Variants in PTPRD observed in about 807,000 individuals in gnomAD.
PTPRD encodes the protein receptor-type tyrosine-protein phosphatase delta.
PTPRD carries 34 observed loss-of-function variants against 214.5 expected under a neutral mutation model. The ratio of observed to expected loss-of-function variants is 0.16; its 90% CI spans 0.12 to 0.21. The LOEUF (loss-of-function observed/expected upper bound fraction) is 0.21. PTPRD is among the 10% of genes least tolerant of loss of function. PTPRD has a pLI of 1.00. For missense variants in PTPRD, 2,545 were observed against 2,398.7 expected (o/e 1.06, Z -1.27); for synonymous variants, 1,128 against 845.7 (o/e 1.33, Z -5.79).
intron 39 of PTPRD, among the ~76,000 whole-genome samples, chr9:8,362,205 C>T (rs2078678664): frequency 6.6e-6 from 1 of 152,190 alleles, no homozygotes; most frequent in Admixed American, 6.5e-5. Flanking sequence ...ACAACAAAGG[C>T]ATACATACCT....
chr9:9,596,123 C>A (rs901984456), intron 7 of PTPRD, among the ~76,000 whole-genome samples: 2 of 151,606 alleles, frequency 1.3e-5, no homozygotes, highest in Non-Finnish European at 2.9e-5. Flanking sequence ...AAAGGAATAC[C>A]CATGGATACA....
chr9:8,719,417 T>C (rs1389544361), intron 12 of PTPRD, among the ~76,000 whole-genome samples: 2 of 152,234 alleles, frequency 1.3e-5, no homozygotes, highest in East Asian at 1.9e-4. Flanking sequence ...CAAAGCAAAG[T>C]GATAAAGGAG....
chr9:10,187,083 T>C (rs1350633417), intron 3 of PTPRD, among the ~76,000 whole-genome samples: 1 of 152,206 alleles, frequency 6.6e-6, no homozygotes, highest in East Asian at 1.9e-4. Context: ...TTTTATTCAA[T>C]TTATACAACT....
chr9:8,527,077 T>C (rs1564080707), intron 16 of PTPRD, among the ~76,000 whole-genome samples: 1 of 151,954 alleles, frequency 6.6e-6, no homozygotes, highest in East Asian at 1.9e-4. Flanking sequence ...CACTAAAGAC[T>C]AACTGGAAAC....
intron 6 of PTPRD, among the ~76,000 whole-genome samples, chr9:9,751,433 TG>T (rs2098518303): frequency 6.6e-6 from 1 of 152,056 alleles, no homozygotes; most frequent in Non-Finnish European, 1.5e-5. Context: ...GGAATAATAA[TG>T]AGAATAATGA....
At chr9:8,993,118 T>C (rs768891563) in intron 11 of PTPRD, among the ~76,000 whole-genome samples, 4 of 152,152 alleles carry the variant, frequency 2.6e-5, no homozygotes, top group Non-Finnish European at 1.5e-5. Flanking sequence ...TTATGTTTTA[T>C]GTCATATGTT....
At chr9:8,836,363 TG>T (rs1240907571) in intron 11 of PTPRD, among the ~76,000 whole-genome samples, 4 of 152,154 alleles carry the variant, frequency 2.6e-5, no homozygotes. Context: ...CCAGAGATAC[TG>T]GTTAATCACT....
At chr9:9,246,910 C>T (rs533770207) in intron 9 of PTPRD, among the ~76,000 whole-genome samples, 1 of 152,014 alleles carries the variant, frequency 6.6e-6, no homozygotes. Flanking sequence ...ATTTGAGCCA[C>T]AGTACATTGG....
intron 2 of PTPRD, among the ~76,000 whole-genome samples, chr9:10,555,119 AAC>A (rs141162080): frequency 0.017 from 2,623 of 152,302 alleles, 71 homozygotes; most frequent in African/African-American, 0.06. Flanking sequence ...AAAAACAAAC[AAC>A]ACACAAAAAA....
intron 5 of PTPRD, among the ~76,000 whole-genome samples, chr9:9,866,155 T>C (rs2063895837): frequency 1.3e-5 from 2 of 152,236 alleles, no homozygotes; most frequent in African/African-American, 4.8e-5. Flanking sequence ...TTTTCTAAAA[T>C]ATGTCTAAGT....
chr9:10,104,808 T>C (rs1458131590), intron 3 of PTPRD, among the ~76,000 whole-genome samples: 1 of 151,906 alleles, frequency 6.6e-6, no homozygotes, highest in Non-Finnish European at 1.5e-5. Flanking sequence ...AATCCAAGTA[T>C]TTAAGAAGCA....
chr9:10,152,085 A>G (rs780482102), intron 3 of PTPRD, among the ~76,000 whole-genome samples: 2 of 152,180 alleles, frequency 1.3e-5, no homozygotes, highest in Non-Finnish European at 2.9e-5. Flanking sequence ...TTGTAGTAAG[A>G]TTCTGTTCAA....
chr9:9,196,086 G>C (rs1294297975), intron 9 of PTPRD, among the ~76,000 whole-genome samples: 1 of 152,136 alleles, frequency 6.6e-6, no homozygotes, highest in East Asian at 1.9e-4. Flanking sequence ...TGTTACTTAT[G>C]TGAGGACTTA....
chr9:9,072,881 G>A (rs945757719), intron 10 of PTPRD, among the ~76,000 whole-genome samples: 7 of 152,164 alleles, frequency 4.6e-5, no homozygotes, highest in Non-Finnish European at 8.8e-5. Context: ...AACTGAATGA[G>A]CATTTCATGG....
chr9:10,235,379 C>G lies in PTPRD; in HGVS notation c.-545+105584G>C, dbSNP rs1006688681. ...AACAATCATCACTGTGTTCCATTTA[C>G]TAAGGAAAATTCCCTCGTCGCGCAT... On this transcript the variant is annotated intron_variant, in intron 3 of 45. Transcript: ENST00000381196. Among the ~76,000 whole-genome samples, 38 of 151,888 alleles carry G rather than the reference C, an allele frequency of 2.5e-4. 1 individual carries two copies. Among genetic ancestry groups the G allele is most frequent in the Admixed American group, 2.5e-3 (38 of 15,206 alleles).
intron 36 of PTPRD, among the ~76,000 whole-genome samples, chr9:8,392,100 T>G (rs149884910): frequency 6.6e-6 from 1 of 151,992 alleles, no homozygotes; most frequent in Non-Finnish European, 1.5e-5. Flanking sequence ...AATTTAGGAA[T>G]TGGGCAAAGT....
At chr9:10,063,185 G>T (rs191991676) in intron 3 of PTPRD, among the ~76,000 whole-genome samples, 111 of 152,104 alleles carry the variant, frequency 7.3e-4, no homozygotes, top group South Asian at 1.7e-3. Context: ...CTGCAAAGAA[G>T]AATTGTGTAA....
intron 9 of PTPRD, among the ~76,000 whole-genome samples, chr9:9,339,666 TA>T (rs2046005867): frequency 1.3e-5 from 2 of 152,174 alleles, no homozygotes; most frequent in African/African-American, 4.8e-5. Context: ...TCAACTTAAT[TA>T]CCAAGAAACA....
At chr9:10,086,275 G>C (rs1016407670) in intron 3 of PTPRD, among the ~76,000 whole-genome samples, 7 of 151,554 alleles carry the variant, frequency 4.6e-5, no homozygotes, top group Non-Finnish European at 7.4e-5. Flanking sequence ...AATAGTATAC[G>C]ACTGATCCCC....
Sources: gnomAD v4.1 joint callset for allele counts (sites outside exome capture counted in the v4.1 genomes callset) on GRCh38, gnomAD v4.1.1 for gene constraint, MANE v1.5 for transcripts, NCBI Gene and HGNC (gene_info 2026-07-23, HGNC 2026-07-21) for gene names.